Variants in NEDD9 observed in about 807,000 individuals in gnomAD.
The protein encoded by NEDD9 is enhancer of filamentation 1.
A neutral mutation model predicts 76.6 loss-of-function variants in NEDD9; 26 were observed. The observed-to-expected ratio is 0.34, with a 90% confidence interval of 0.25 to 0.47. The LOEUF (loss-of-function observed/expected upper bound fraction) is 0.47, where lower values mean the gene tolerates loss of function less well. Ranked by LOEUF, NEDD9 falls within the 20% of genes least tolerant of loss-of-function variation. The pLI is 1.00. For synonymous variants in NEDD9, 392 were observed against 414.2 expected (o/e 0.95, Z 0.65); for missense variants, 937 against 1,058.5 (o/e 0.89, Z 1.59).
upstream of NEDD9, chr6:11,233,175 CT>C: frequency 3.9e-6 from 2 of 510,900 alleles, no homozygotes; most frequent in South Asian, 2.8e-5. Context: ...TTCTTTCCCC[CT>C]CCTCCCGCCT....
At chr6:11,224,630 A>C (rs560648097) in intron 1 of NEDD9, among the ~76,000 whole-genome samples, 1 of 145,904 alleles carries the variant, frequency 6.9e-6, no homozygotes, top group East Asian at 2.0e-4. Flanking sequence ...GAAAAGAAAA[A>C]AAAAATCTCA....
chr6:11,246,762 T>G (rs1759820565), intron 3 of NEDD9, among the ~76,000 whole-genome samples: 1 of 152,164 alleles, frequency 6.6e-6, no homozygotes, highest in Non-Finnish European at 1.5e-5. Flanking sequence ...GAAACCTCAT[T>G]TCTTTCAAAC....
intron 3 of NEDD9, among the ~76,000 whole-genome samples, chr6:11,281,737 C>CT (rs1014566903): frequency 4.6e-5 from 7 of 152,142 alleles, no homozygotes; most frequent in African/African-American, 7.2e-5. Context: ...CAGGATTACT[C>CT]TTTTTTTATA....
chr6:11,361,754 A>G (rs1363593326), intron 1 of NEDD9, among the ~76,000 whole-genome samples: 2 of 152,182 alleles, frequency 1.3e-5, no homozygotes, highest in Admixed American at 1.3e-4. Flanking sequence ...TACAAGAAGA[A>G]CACCTATACA....
At chr6:11,276,424 C>T (rs986147862) in intron 3 of NEDD9, among the ~76,000 whole-genome samples, 10 of 152,214 alleles carry the variant, frequency 6.6e-5, no homozygotes, top group African/African-American at 9.6e-5. Flanking sequence ...TGTGTGCGCA[C>T]GCGCACACAT....
intron 1 of NEDD9, among the ~76,000 whole-genome samples, chr6:11,340,435 G>A (rs1449710219): frequency 6.6e-6 from 1 of 152,016 alleles, no homozygotes; most frequent in Non-Finnish European, 1.5e-5. Context: ...AATTTGACAG[G>A]AATTATATGC....
intron 3 of NEDD9, among the ~76,000 whole-genome samples, chr6:11,295,374 C>T (rs958467475): frequency 5.9e-5 from 9 of 152,246 alleles, no homozygotes; most frequent in South Asian, 2.1e-4. Flanking sequence ...CTGTAGGGTG[C>T]GAGATATTTC....
chr6:11,299,399 T>C (rs1760983359), intron 3 of NEDD9, among the ~76,000 whole-genome samples: 1 of 152,218 alleles, frequency 6.6e-6, no homozygotes, highest in Non-Finnish European at 1.5e-5. Flanking sequence ...GCCTACTACT[T>C]CTACAGATTC....
In NEDD9 at chr6:11,241,194, A is replaced by G. The variant is rs1759701820; in HGVS notation, c.13-27467T>C. 6.6e-6 allele frequency among the ~76,000 whole-genome samples: 1 copy of G among 152,244 alleles called. No individual in the cohort carries two copies. The highest frequency in any genetic ancestry group is 1.5e-5 in the Non-Finnish European group (1 of 68,044). On this transcript the variant is annotated intron_variant, in intron 3 of 3. Transcript: ENST00000397378. The surrounding 1 kb of genome is among the most constrained non-coding windows in gnomAD (Gnocchi z 4.0). ...TCTCCTCTTTCCGGAGGCACTGCCC[A>G]AACACAATCATCTTGGTGCATACTA... is the stretch of plus-strand genomic sequence containing the variant.
rs140785686 is a variant in NEDD9, at chr6:11,230,765, A to C, written c.12+1739T>G. On this transcript the variant is annotated intron_variant, in intron 1 of 6. Coordinates refer to ENST00000379446, the MANE Select transcript of NEDD9 (RefSeq NM_006403.4). Reference sequence around the variant, plus strand: ...ATCATTTGGCAAGGTGTTCAACACCAGTAAGGCCCAGTGGAGAAGCAGGTT... The same window carrying C: ...ATCATTTGGCAAGGTGTTCAACACCCGTAAGGCCCAGTGGAGAAGCAGGTT... 5.3e-5 allele frequency among the ~76,000 whole-genome samples: 8 copies of C among 152,370 alleles called. No individual in the cohort carries two copies. The East Asian group carries it at 1.5e-3, about 29-fold the overall frequency.
intron 1 of NEDD9, among the ~76,000 whole-genome samples, chr6:11,337,222 A>G (rs1343074822): frequency 6.6e-6 from 1 of 152,136 alleles, no homozygotes; most frequent in Non-Finnish European, 1.5e-5. Flanking sequence ...TGTCTCAAAA[A>G]CAAAAACAAA....
intron 2 of NEDD9, among the ~76,000 whole-genome samples, chr6:11,312,280 C>T (rs1761394310): frequency 6.6e-6 from 1 of 152,168 alleles, no homozygotes; most frequent in Non-Finnish European, 1.5e-5. Context: ...GGCACCACCA[C>T]CCACACTAGA....
chr6:11,261,577 G>A (rs557607597), intron 3 of NEDD9, among the ~76,000 whole-genome samples: 19 of 152,256 alleles, frequency 1.2e-4, no homozygotes, highest in African/African-American at 4.3e-4. Flanking sequence ...CACAATCATT[G>A]CTCTCAAAGA....
chr6:11,342,061 C>T (rs574022847), intron 1 of NEDD9, among the ~76,000 whole-genome samples: 31 of 152,012 alleles, frequency 2.0e-4, no homozygotes, highest in African/African-American at 6.0e-4. Flanking sequence ...AATCATTCAT[C>T]GGAAGAGCTT....
chr6:11,229,494 C>T (rs1033166945), intron 1 of NEDD9, among the ~76,000 whole-genome samples: 1 of 152,080 alleles, frequency 6.6e-6, no homozygotes, highest in Non-Finnish European at 1.5e-5. Context: ...TCCTGGGAAA[C>T]AGCACAACCA....
At chr6:11,232,770 CCTAATTCTGAAAA>C, upstream of NEDD9, 4 of 1,282,110 alleles carry the variant, frequency 3.1e-6, no homozygotes, top group Non-Finnish European at 4.1e-6. Context: ...CCTGCCCACC[CCTAATTCTGAAAA>C]ACTGACAAAG....
Position 11,191,097 on chromosome 6 carries a change from C to T in NEDD9, c.772G>A (p.Glu258Lys), listed in dbSNP as rs1462117183. ...RQAGRPDLRP[E>K]GVYDIPPTCT... is the part of the protein sequence containing the mutation. ...GTTGGAGGAATGTCATAAACCCCCT[C>T]CGGTCTGAGGTCCGGCCTTCCAGCT... Residue 258 changes from glutamate (E) to lysine (K), a missense_variant, in exon 5 of 7, where the codon GAG (glutamate) becomes AAG (lysine). Transcript: ENST00000379446. The T allele has an allele frequency of 2.5e-6, 4 of 1,613,976 alleles. No individual in the cohort carries two copies. The highest frequency in any genetic ancestry group is 3.4e-6 in the Non-Finnish European group (4 of 1,180,000).
intron 2 of NEDD9, among the ~76,000 whole-genome samples, chr6:11,332,232 T>C (rs547039380): frequency 4.8e-4 from 73 of 152,326 alleles, no homozygotes; most frequent in Non-Finnish European, 9.3e-4. Context: ...TACCTTCATG[T>C]TTCCATTTCA....
At chr6:11,265,435 A>G (rs1029396278) in intron 3 of NEDD9, among the ~76,000 whole-genome samples, 1 of 152,208 alleles carries the variant, frequency 6.6e-6, no homozygotes, top group Admixed American at 6.5e-5. Context: ...ACTTTAACTT[A>G]TTTTGTTCTT....
Sources: gnomAD v4.1 joint callset for allele counts (sites outside exome capture counted in the v4.1 genomes callset) on GRCh38, gnomAD v4.1.1 for gene constraint, Gnocchi (gnomAD v3.1) non-coding constraint, MANE v1.5 for transcripts, NCBI Gene and HGNC (gene_info 2026-07-23, HGNC 2026-07-21) for gene names.